The following EXOC6B variants were observed in gnomAD, a reference collection of about 807,000 sequenced individuals.
EXOC6B encodes exocyst complex component 6B, also known as SEC15 homolog B.
EXOC6B carries 54 observed loss-of-function variants against 113.5 expected under a neutral mutation model. The ratio of observed to expected loss-of-function variants is 0.48; its 90% confidence interval spans 0.38 to 0.60. The LOEUF is 0.60. Among genes scored for constraint, EXOC6B ranks in the 20% least tolerant of loss-of-function variants. The pLI, the probability that EXOC6B is intolerant of heterozygous loss-of-function variation, is 0.00. For missense variants in EXOC6B, 797 were observed against 977.5 expected, an observed-to-expected ratio of 0.82 and a Z score of 2.46; for synonymous variants, 357 against 339.0, an observed-to-expected ratio of 1.05 and a Z score of -0.58.
intron 5 of EXOC6B, among the ~76,000 whole-genome samples, chr2:72,727,222 T>C (rs1179099423): frequency 5.3e-5 from 8 of 152,108 alleles, no homozygotes; most frequent in Non-Finnish European, 5.9e-5. Context: ...AAAGAACAGG[T>C]AGGATAAATG....
intron 6 of EXOC6B, among the ~76,000 whole-genome samples, chr2:72,664,633 C>T (rs1675261960): frequency 6.6e-6 from 1 of 152,228 alleles, no homozygotes; most frequent in South Asian, 2.1e-4. Context: ...GATCCATCTT[C>T]TTGTGAGTAG....
chr2:72,193,478 T>C (rs1372432412), intron 20 of EXOC6B, among the ~76,000 whole-genome samples: 1 of 152,174 alleles, frequency 6.6e-6, no homozygotes, highest in Non-Finnish European at 1.5e-5. Context: ...GCAGGGCTTA[T>C]TTCGACAAAC....
At chr2:72,736,108 T>C (rs1260235741) in intron 2 of EXOC6B, among the ~76,000 whole-genome samples, 1 of 151,510 alleles carries the variant, frequency 6.6e-6, no homozygotes, top group Non-Finnish European at 1.5e-5. Context: ...TCACTTGAAC[T>C]TGGGAGGCAA....
chr2:72,716,744 T>C (rs899298303), intron 6 of EXOC6B, among the ~76,000 whole-genome samples: 1 of 152,116 alleles, frequency 6.6e-6, no homozygotes, highest in African/African-American at 2.4e-5. Flanking sequence ...CTTCAGATAA[T>C]TAAGGAATGA....
intron 17 of EXOC6B, among the ~76,000 whole-genome samples, chr2:72,467,441 A>G (rs1484097944): frequency 6.6e-6 from 1 of 152,160 alleles, no homozygotes; most frequent in Admixed American, 6.5e-5. Context: ...ACTAATTTAC[A>G]TTCCCAAGAC....
intron 20 of EXOC6B, among the ~76,000 whole-genome samples, chr2:72,275,535 C>G (rs560745577): frequency 1.3e-5 from 2 of 152,296 alleles, no homozygotes; most frequent in East Asian, 3.9e-4. Flanking sequence ...GCAGTTTTAA[C>G]CAATGTTATG....
chr2:72,496,422 A>G, intron 14 of EXOC6B, 32 bp downstream of exon 14: 2 of 1,390,698 alleles, frequency 1.4e-6, no homozygotes, highest in Non-Finnish European at 2.0e-6. Context: ...TGCCAAAACA[A>G]CCAGAGAAAT....
At chr2:72,370,410 G>C (rs981077770) in intron 19 of EXOC6B, among the ~76,000 whole-genome samples, 2 of 152,156 alleles carry the variant, frequency 1.3e-5, no homozygotes, top group Non-Finnish European at 2.9e-5. Flanking sequence ...TTACACTGTT[G>C]GTGGGACTGT....
At chr2:72,619,179 CAGAGAGAGAG>C (rs139874004) in intron 6 of EXOC6B, among the ~76,000 whole-genome samples, 5 of 145,892 alleles carry the variant, frequency 3.4e-5, no homozygotes, top group South Asian at 4.5e-4. Context: ...AATACACAGC[CAGAGAGAGAG>C]AGAGAGAGAG....
chr2:72,655,187 C>T, intron 6 of EXOC6B, among the ~76,000 whole-genome samples: 1 of 152,028 alleles, frequency 6.6e-6, no homozygotes, highest in East Asian at 1.9e-4. Flanking sequence ...TATTAAAATG[C>T]TAGAAGAAGT....
chr2:72,399,901 A>G (rs1573031608), intron 18 of EXOC6B, among the ~76,000 whole-genome samples: 1 of 152,186 alleles, frequency 6.6e-6, no homozygotes, highest in East Asian at 1.9e-4. Flanking sequence ...CAAAATGCCA[A>G]TGTGATTTTT....
chr2:72,424,338 A>G (rs1380502416), intron 18 of EXOC6B, among the ~76,000 whole-genome samples: 1 of 152,034 alleles, frequency 6.6e-6, no homozygotes, highest in African/African-American at 2.4e-5. Flanking sequence ...ATTTCCTGGA[A>G]GTCATTCATT....
At chr2:72,647,396 A>G (rs1673810416) in intron 6 of EXOC6B, among the ~76,000 whole-genome samples, 2 of 152,194 alleles carry the variant, frequency 1.3e-5, no homozygotes, top group Non-Finnish European at 2.9e-5. Context: ...CAAGCTACCA[A>G]TGACTTTCTT....
chr2:72,275,490 A>T (rs137886222), intron 20 of EXOC6B, among the ~76,000 whole-genome samples: 1 of 152,196 alleles, frequency 6.6e-6, no homozygotes, highest in Non-Finnish European at 1.5e-5. Context: ...TCAGAAATCA[A>T]TTCACAAAGT....
intron 6 of EXOC6B, among the ~76,000 whole-genome samples, chr2:72,663,281 T>G (rs1675152191): frequency 6.6e-6 from 1 of 152,174 alleles, no homozygotes; most frequent in Admixed American, 6.5e-5. Flanking sequence ...GTCTCAAAAG[T>G]GTACATATGT....
intron 20 of EXOC6B, among the ~76,000 whole-genome samples, chr2:72,278,650 T>C (rs1477645152): frequency 6.6e-6 from 1 of 152,150 alleles, no homozygotes; most frequent in South Asian, 2.1e-4. Flanking sequence ...ATGATATTGA[T>C]TGAGAACACT....
chr2:72,465,597 T>C (rs958384307), intron 17 of EXOC6B, among the ~76,000 whole-genome samples: 10 of 152,320 alleles, frequency 6.6e-5, no homozygotes, highest in African/African-American at 1.9e-4. Flanking sequence ...GACATACCTA[T>C]ATAAAAGATT....
chr2:72,671,994 A>G (rs1187565941), intron 6 of EXOC6B, among the ~76,000 whole-genome samples: 1 of 152,082 alleles, frequency 6.6e-6, no homozygotes, highest in Non-Finnish European at 1.5e-5. Context: ...AACCACAATG[A>G]TATCTCACCC....
At chr2:72,469,374 T>C (rs1456523987) in intron 17 of EXOC6B, among the ~76,000 whole-genome samples, 1 of 152,110 alleles carries the variant, frequency 6.6e-6, no homozygotes, top group Non-Finnish European at 1.5e-5. Flanking sequence ...CCTAGTTTCC[T>C]ACGGTGTAAG....
Sources: gnomAD v4.1 joint callset for allele counts (sites outside exome capture counted in the v4.1 genomes callset) on GRCh38, gnomAD v4.1.1 for gene constraint, MANE v1.5 for transcripts, NCBI Gene and HGNC (gene_info 2026-07-23, HGNC 2026-07-21) for gene names.